DBNL: variants seen among roughly 807,000 people sequenced by gnomAD.
DBNL encodes drebrin like, also known as drebrin-like protein.
A neutral mutation model predicts 62.2 loss-of-function variants in DBNL; 35 were observed. The observed-to-expected ratio is 0.56, with a 90% CI of 0.43 to 0.75. The LOEUF (loss-of-function observed/expected upper bound fraction) is 0.75. DBNL is among the 30% of genes least tolerant of loss of function. The pLI, the probability that DBNL is intolerant of heterozygous loss-of-function variation, is 0.00. For synonymous variants in DBNL, 197 were observed against 218.0 expected (o/e 0.90, Z 0.85); for missense variants, 495 against 578.4 (o/e 0.86, Z 1.48).
chr7:44,044,750 C>G lies in DBNL; in HGVS notation c.13C>G (p.Leu5Val). MAAN[L>V]SRNGPALQEA... Reference sequence around the variant, plus strand: ...TGCGGGGCGGGCCATGGCGGCGAACCTGAGCCGGAACGGGCCAGCGCTGCA... The same window carrying G: ...TGCGGGGCGGGCCATGGCGGCGAACGTGAGCCGGAACGGGCCAGCGCTGCA... The change falls in exon 1 of 13, where the codon CTG becomes GTG. Residue 5 changes from leucine (L) to valine (V), a missense_variant. Coordinates refer to ENST00000448521, the MANE Select transcript of DBNL (RefSeq NM_001014436.3). 1.3e-6 allele frequency: 2 copies of G among 1,508,644 alleles called. No homozygotes were observed. The highest frequency in any genetic ancestry group is 1.8e-6 in the Non-Finnish European group (2 of 1,130,136). 93.5% of individuals were successfully genotyped at this position (1,508,644 alleles called of 1,614,324 possible). A position where few individuals can be genotyped will look rare whatever the true frequency, so the allele number is the denominator to read the frequency against.
rs200209293 is a variant in DBNL at position 44,060,938 on chromosome 7, T to C, written c.*22T>C. The C allele has an allele frequency of 1.7e-5, 28 of 1,608,250 alleles. No individual in the cohort carries two copies. In the African/African-American group the frequency reaches 2.8e-4, roughly 16 times the overall value. On this transcript the variant is annotated 3_prime_UTR_variant, in exon 13 of 13. Coordinates refer to ENST00000448521, the MANE Select transcript of DBNL (RefSeq NM_001014436.3). The surrounding 1 kb of genome is among the most constrained non-coding windows in gnomAD (Gnocchi z 6.3). The stretch of plus-strand genomic sequence containing the variant: ...GTGAGGCTGAGGGCACATCTTGCCC[T>C]TCCCCTCTCAGACATGGCTTCCTTA...
rs1285727621 is a variant in DBNL at position 44,065,410 on chromosome 7, C to G, written c.*4494C>G. Reference sequence around the variant, plus strand: ...TGGCATCCTTGATGGCCTTGGCTCCCCGCTTGGCCTCCTCGGTCCCCTTTT... The same window carrying G: ...TGGCATCCTTGATGGCCTTGGCTCCGCGCTTGGCCTCCTCGGTCCCCTTTT... On this transcript the variant is annotated 3_prime_UTR_variant, in exon 13 of 13. Coordinates refer to ENST00000448521, the MANE Select transcript of DBNL (RefSeq NM_001014436.3). The G allele has an allele frequency of 6.2e-7, 1 of 1,614,024 alleles. No individual in the cohort carries two copies.
Position 44,065,674 on chromosome 7 carries a change from G to A in DBNL, c.*4758G>A, listed in dbSNP as rs2096158715. The A allele has an allele frequency of 6.4e-6, 5 of 775,232 alleles. No homozygotes were observed. Among genetic ancestry groups the A allele is most frequent in the Non-Finnish European group, 1.1e-5 (5 of 457,792 alleles). 48.0% of individuals were successfully genotyped at this position (775,232 alleles called of 1,614,324 possible). ...AGGCGGTGGCAGGTGACCAGTAGCT[G>A]AGCTGCTGGGGGCTGGGGGCCAGGG... On this transcript the variant is annotated 3_prime_UTR_variant, in exon 13 of 13. Coordinates refer to ENST00000448521, the MANE Select transcript of DBNL (RefSeq NM_001014436.3).
intron 4 of DBNL, among the ~76,000 whole-genome samples, chr7:44,053,816 G>A (rs936631573): frequency 1.3e-4 from 20 of 151,762 alleles, no homozygotes; most frequent in South Asian, 2.1e-4. Flanking sequence ...AGCTGGGACT[G>A]CAGGCACCCG....
intron 1 of DBNL, among the ~76,000 whole-genome samples, chr7:44,049,545 T>C (rs2096122933): frequency 6.6e-6 from 1 of 152,230 alleles, no homozygotes; most frequent in Admixed American, 6.5e-5. Flanking sequence ...CTCTGCTAGA[T>C]AGAAAACTTG....
At position 44,051,899 on chromosome 7, in the gene DBNL, A is replaced by C; in HGVS notation, c.209A>C (p.Lys70Thr). ...GTGATGTACGCCTTCTGCAGAGTGA[A>C]GGACCCCAACTCTGGACTGCCCAAA... ...GKVMYAFCRV[K>T]DPNSGLPKFV... Residue 70 changes from lysine to threonine, a missense_variant, in exon 3 of 13, where the codon AAG becomes ACG. By Grantham distance (78) the Lys-to-Thr change is moderately conservative. Coordinates refer to ENST00000448521, the MANE Select transcript of DBNL (RefSeq NM_001014436.3). The C allele has an allele frequency of 6.2e-7, 1 of 1,614,176 alleles. No individual in the cohort carries two copies. The highest frequency in any genetic ancestry group is 1.3e-5 in the African/African-American group (1 of 75,042).
At position 44,064,776 on chromosome 7, in the gene DBNL, A is replaced by G; in HGVS notation, c.*3860A>G. The stretch of plus-strand genomic sequence containing the variant: ...GGCGAGAGACTTTGCTGAGATGAGA[A>G]GCCAGCTGGGGCTGCTGCCCACCCA... On this transcript the variant is annotated 3_prime_UTR_variant, in exon 13 of 13. Coordinates refer to ENST00000448521, the MANE Select transcript of DBNL (RefSeq NM_001014436.3). 6.9e-7 allele frequency: 1 copy of G among 1,459,578 alleles called. No individual in the cohort carries two copies. Among genetic ancestry groups the G allele is most frequent in the Non-Finnish European group, 9.3e-7 (1 of 1,070,992 alleles). 90.4% of individuals were successfully genotyped at this position (1,459,578 alleles called of 1,614,324 possible). A position where few individuals can be genotyped will look rare whatever the true frequency, so the allele number is the denominator to read the frequency against.
At chr7:44,051,045 T>C (rs1004789757) in intron 2 of DBNL, 2 of 151,956 alleles carry the variant, frequency 1.3e-5, no homozygotes, top group African/African-American at 4.8e-5. Context: ...TGACTGGGAG[T>C]TGCAGAGATC....
In DBNL at chr7:44,059,932, GC is replaced by G. The variant is rs978079357; in HGVS notation, c.1048-114del. On this transcript the variant is annotated intron_variant, in intron 11 of 12. Coordinates refer to ENST00000448521, the MANE Select transcript of DBNL (RefSeq NM_001014436.3). This position sits in a 1 kb window ranked among gnomAD's most constrained non-coding sequence, Gnocchi z 4.1. Reference sequence around the variant, plus strand: ...GGGACAGCAGCAGCCCAGCCCCCGAGCCTGTAGACTGCTTGCCCTCTGCGTA... The same window carrying G: ...GGGACAGCAGCAGCCCAGCCCCCGAGCTGTAGACTGCTTGCCCTCTGCGTA... 9.1e-5 allele frequency: 94 copies of G among 1,028,750 alleles called. No homozygotes were observed. In the African/African-American group the frequency reaches 1.4e-3, roughly 15 times the overall value. The allele number at this position is 1,028,750 out of a possible 1,614,324, so 63.7% of individuals were successfully genotyped here. A position where few individuals can be genotyped will look rare whatever the true frequency, so the allele number is the denominator to read the frequency against.
Position 44,059,579 on chromosome 7 carries a change from C to G in DBNL, c.968C>G (p.Pro323Arg), listed in dbSNP as rs1315272659. Reference protein sequence around the residue: ...PAEEPAPSTPPCLVQAEEEAV... With the variant: ...PAEEPAPSTPRCLVQAEEEAV... ...GAGGAGCCGGCGCCCAGCACTCCTC[C>G]ATGTCTGGTGCAGGCAGAAGAGGAG... is the stretch of plus-strand genomic sequence containing the variant. The change falls in exon 11 of 13, where the codon CCA (proline) becomes CGA (arginine). Residue 323 changes from proline (P) to arginine (R), a missense_variant. Pro to Arg is a moderately radical substitution (Grantham distance 103). Transcript: ENST00000448521. This position sits in a 1 kb window ranked among gnomAD's most constrained non-coding sequence, Gnocchi z 4.1. 1 of 1,612,630 alleles carries G rather than the reference C, an allele frequency of 6.2e-7. No individual in the cohort carries two copies. Among genetic ancestry groups the G allele is most frequent in the Admixed American group, 1.7e-5 (1 of 59,994 alleles).
At position 44,050,331 on chromosome 7, in the gene DBNL, C is replaced by T. The variant is rs374262635; in HGVS notation, c.139+51C>T. 386 of 1,597,774 alleles carry T rather than the reference C, an allele frequency of 2.4e-4. 2 individuals are homozygous for T. In the African/African-American group the frequency reaches 2.5e-3, roughly 10 times the overall value. The stretch of plus-strand genomic sequence containing the variant: ...GGGACACCAGGAGGTAGGAGGGTGA[C>T]GACGAGGGGTCAGCGCACTCAGCTG... On this transcript the variant is annotated intron_variant, in intron 2 of 12. Coordinates refer to ENST00000448521, the MANE Select transcript of DBNL (RefSeq NM_001014436.3).
In DBNL at chr7:44,065,289, C is replaced by T. The variant is rs1225286412; in HGVS notation, c.*4373C>T. The T allele has an allele frequency of 1.2e-6, 2 of 1,613,700 alleles. No individual in the cohort carries two copies. The highest frequency in any genetic ancestry group is 3.3e-5 in the Admixed American group (2 of 60,032). ...TCATTGAGGCGCCAAGTGCGCACCA[C>T]AGGCAGCCACATCTGGTCCGTGCCG... is the stretch of plus-strand genomic sequence containing the variant. On this transcript the variant is annotated 3_prime_UTR_variant, in exon 13 of 13. Coordinates refer to ENST00000448521, the MANE Select transcript of DBNL (RefSeq NM_001014436.3).
In DBNL at chr7:44,059,107, AGGGACACCT is replaced by A; in HGVS notation, c.835+128_835+136del. ...GGTGACGGGTGAGTGAGTGAGGAGA[AGGGACACCT>A]GGGGCCATTGACCTCATCAGTGACC... On this transcript the variant is annotated intron_variant, in intron 9 of 12. Coordinates refer to ENST00000448521, the MANE Select transcript of DBNL (RefSeq NM_001014436.3). The surrounding 1 kb of genome is among the most constrained non-coding windows in gnomAD (Gnocchi z 4.1). 9.0e-7 allele frequency: 1 copy of A among 1,107,430 alleles called. No individual in the cohort carries two copies. The highest frequency in any genetic ancestry group is 1.6e-5 in the African/African-American group (1 of 64,374). The allele number at this position is 1,107,430 out of a possible 1,614,324, so 68.6% of individuals were successfully genotyped here. A position where few individuals can be genotyped will look rare whatever the true frequency, so the allele number is the denominator to read the frequency against.
chr7:44,061,571 C>T lies in DBNL; in HGVS notation c.*655C>T, dbSNP rs533491520. The T allele has an allele frequency of 6.5e-6, 1 of 153,226 alleles. No homozygotes were observed. The allele number at this position is 153,226 out of a possible 1,614,324, so 9.5% of individuals were successfully genotyped here. A position where few individuals can be genotyped will look rare whatever the true frequency, so the allele number is the denominator to read the frequency against. ...AACATGTTCCTCCACGCGGCTCACT[C>T]GATGCCTGCAGGCCCCAGTGTGTGC... is the stretch of plus-strand genomic sequence containing the variant. On this transcript the variant is annotated 3_prime_UTR_variant, in exon 13 of 13. Coordinates refer to ENST00000448521, the MANE Select transcript of DBNL (RefSeq NM_001014436.3).
At position 44,065,740 on chromosome 7, in the gene DBNL, G is replaced by T. The variant is rs62458756; in HGVS notation, c.*4824G>T. On this transcript the variant is annotated 3_prime_UTR_variant, in exon 13 of 13. Transcript: ENST00000448521. The stretch of plus-strand genomic sequence containing the variant: ...GAGGCTGTGCTTAAAATAGCCCCAC[G>T]CATCCACCAGCTCCTGGCCTGGGTT... 2 of 608,670 alleles carry T rather than the reference G, an allele frequency of 3.3e-6. No homozygotes were observed. The highest frequency in any genetic ancestry group is 3.8e-5 in the South Asian group (2 of 52,964). 37.7% of individuals were successfully genotyped at this position (608,670 alleles called of 1,614,324 possible).
intron 5 of DBNL, among the ~76,000 whole-genome samples, chr7:44,057,568 C>T (rs2096138741): frequency 1.3e-5 from 2 of 152,166 alleles, no homozygotes; most frequent in South Asian, 4.1e-4. Flanking sequence ...TGGGATTGAG[C>T]ATCCCCCTTG....
chr7:44,057,699 G>A, intron 5 of DBNL, 83 bp from the exon 6 acceptor site: 1 of 1,527,484 alleles, frequency 6.5e-7, no homozygotes. Context: ...GCTGTCGCAA[G>A]TTTAGCGTAT....
chr7:44,056,443 G>A (rs575063642), intron 4 of DBNL, among the ~76,000 whole-genome samples: 62 of 152,306 alleles, frequency 4.1e-4, no homozygotes, highest in Non-Finnish European at 6.8e-4. Flanking sequence ...GAAGGCCTTT[G>A]ATGCAAATTA....
In DBNL at chr7:44,064,695, G is replaced by T; in HGVS notation, c.*3779G>T. The T allele has an allele frequency of 2.5e-6, 2 of 794,208 alleles. No homozygotes were observed. The highest frequency in any genetic ancestry group is 4.1e-6 in the Non-Finnish European group (2 of 488,598). The allele number at this position is 794,208 out of a possible 1,614,324, so 49.2% of individuals were successfully genotyped here. A position where few individuals can be genotyped will look rare whatever the true frequency, so the allele number is the denominator to read the frequency against. On this transcript the variant is annotated 3_prime_UTR_variant, in exon 13 of 13. Transcript: ENST00000448521. ...CACAAAACTAAAAAATGGCTTCTCA[G>T]CCCTCCTTTTTCAGTGAATGATGTG...
Sources: allele counts gnomAD v4.1 joint callset (sites outside exome capture counted in the v4.1 genomes callset), GRCh38; gene constraint gnomAD v4.1.1; non-coding constraint Gnocchi (gnomAD v3.1); transcripts MANE v1.5; gene names NCBI Gene and HGNC (gene_info 2026-07-23, HGNC 2026-07-21).